SYDE2: variants seen among roughly 807,000 people sequenced by gnomAD.
SYDE2 encodes the protein rho GTPase-activating protein SYDE2.
SYDE2 carries 76 observed loss-of-function variants against 91.5 expected under a neutral mutation model. That is an observed-to-expected ratio of 0.83 (90% CI 0.69 to 1.01). The LOEUF (loss-of-function observed/expected upper bound fraction) is 1.01, where lower values mean the gene tolerates loss of function less well. SYDE2 is among the 50% of genes least tolerant of loss of function. SYDE2 has a pLI of 0.00. For synonymous variants in SYDE2, 513 were observed against 506.4 expected, an observed-to-expected ratio of 1.01 and a Z score of -0.18; for missense variants, 1,364 against 1,367.7, an observed-to-expected ratio of 1.00 and a Z score of 0.04.
intron 1 of SYDE2, among the ~76,000 whole-genome samples, chr1:85,198,669 T>C (rs1658692628): frequency 6.6e-6 from 1 of 152,198 alleles, no homozygotes; most frequent in Non-Finnish European, 1.5e-5. Context: ...TAAAAATCCT[T>C]GAATGTTTAC....
At chr1:85,153,653 A>G (rs994329460), downstream of SYDE2, 1 of 152,064 alleles carries the variant, frequency 6.6e-6, no homozygotes, top group African/African-American at 2.4e-5. Flanking sequence ...TTTCTAACTA[A>G]CTCCAGTGGG....
At position 85,164,537 on chromosome 1, in the gene SYDE2, T is replaced by TGG; in HGVS notation, c.3072_3073dup (p.Gln1025ProfsTer9). 1 of 1,593,482 alleles carries TGG rather than the reference T, an allele frequency of 6.3e-7. No individual in the cohort carries two copies. The highest frequency in any genetic ancestry group is 8.5e-7 in the Non-Finnish European group (1 of 1,170,610). On this transcript the variant is annotated frameshift_variant, in exon 6 of 7. Coordinates refer to ENST00000341460, the MANE Select transcript of SYDE2 (RefSeq NM_032184.2). LOFTEE classifies it high-confidence loss of function. ...ATAGAATCATTTACCTGGCCAGAGT[T>TGG]GGAGTAAGTAATGAAGAACTTCAAT...
intron 2 of SYDE2, among the ~76,000 whole-genome samples, chr1:85,185,870 T>C (rs1210818030): frequency 6.6e-6 from 1 of 152,196 alleles, no homozygotes. Context: ...ATCCCTGTCT[T>C]GTGCCAGTTT....
At chr1:85,160,844 T>G (rs1657030339) in intron 6 of SYDE2, 3 of 985,414 alleles carry the variant, frequency 3.0e-6, no homozygotes, top group Non-Finnish European at 1.2e-6. Flanking sequence ...GCCTGCAAAA[T>G]CCAGATTCAT....
intron 4 of SYDE2, among the ~76,000 whole-genome samples, chr1:85,176,097 T>C (rs968951341): frequency 6.7e-6 from 1 of 149,652 alleles, no homozygotes; most frequent in Non-Finnish European, 1.5e-5. Flanking sequence ...TTTAACATAA[T>C]TTTTATTTAT....
Position 85,200,918 on chromosome 1 carries a change from G to C in SYDE2, c.79C>G (p.Arg27Gly). The C allele has an allele frequency of 7.6e-7, 1 of 1,319,778 alleles. No individual in the cohort carries two copies. The highest frequency in any genetic ancestry group is 2.8e-4 in the Middle Eastern group (1 of 3,534). The allele number at this position is 1,319,778 out of a possible 1,614,324, so 81.8% of individuals were successfully genotyped here. A position where few individuals can be genotyped will look rare whatever the true frequency, so the allele number is the denominator to read the frequency against. The change falls in exon 1 of 7, where the codon CGG (arginine) becomes GGG (glycine). Residue 27 changes from arginine to glycine, a missense_variant. Physicochemically the swap from Arg to Gly is moderately radical, Grantham distance 125. Transcript: ENST00000341460. ...CGGGAAGGCGGCTGGCCCGGAGCCC[G>C]GGCTCCCGCGGGGAAGCTGTGATCC... The part of the protein sequence containing the change: ...LADHSFPAGA[R>G]APGQPPSRGA...
At chr1:85,187,488 C>T (rs1247708620) in intron 2 of SYDE2, among the ~76,000 whole-genome samples, 1 of 151,464 alleles carries the variant, frequency 6.6e-6, no homozygotes, top group East Asian at 1.9e-4. Context: ...ACTAGAAATA[C>T]CATTTGACCC....
chr1:85,183,066 C>T lies in SYDE2; in HGVS notation c.1576G>A (p.Val526Met), dbSNP rs755845720. 1.9e-6 allele frequency: 3 copies of T among 1,613,520 alleles called. No individual in the cohort carries two copies. The highest frequency in any genetic ancestry group is 3.3e-5 in the Admixed American group (2 of 59,960). ...LPDKIKSPRTVRKLSMKMKKL... is the reference protein window; with the variant it reads ...LPDKIKSPRTMRKLSMKMKKL... ...TTCATTTTCATGGAAAGTTTCCTCA[C>T]AGTTCGTGGAGATTTTATTTTATCT... The change falls in exon 3 of 7, where the codon GTG (valine) becomes ATG (methionine). Residue 526 changes from valine (V) to methionine (M), a missense_variant. Transcript: ENST00000341460.
At position 85,169,118 on chromosome 1, in the gene SYDE2, T is replaced by C. The variant is rs769010820; in HGVS notation, c.2779A>G (p.Asn927Asp). The C allele has an allele frequency of 2.5e-6, 4 of 1,613,776 alleles. No individual in the cohort carries two copies. The highest frequency in any genetic ancestry group is 1.1e-5 in the South Asian group (1 of 91,086). ...TCACCTGGGTCATTCTCACAACCAT[T>C]TGATGACATTTTCAAAGGACTTTTT... is the stretch of plus-strand genomic sequence containing the variant. ...MAKSPLKMSS[N>D]GCENDPGDSK... Residue 927 changes from asparagine (N) to aspartate (D), a missense_variant, in exon 5 of 7, where the codon AAT (asparagine) becomes GAT (aspartate). Coordinates refer to ENST00000341460, the MANE Select transcript of SYDE2 (RefSeq NM_032184.2).
intron 1 of SYDE2, among the ~76,000 whole-genome samples, chr1:85,199,271 A>T (rs1440392628): frequency 6.6e-6 from 1 of 152,174 alleles, no homozygotes; most frequent in Non-Finnish European, 1.5e-5. Context: ...ATGATCACTA[A>T]AAATTTTTAT....
intron 5 of SYDE2, among the ~76,000 whole-genome samples, chr1:85,168,274 A>G (rs1343515730): frequency 6.6e-6 from 1 of 152,074 alleles, no homozygotes; most frequent in Non-Finnish European, 1.5e-5. Context: ...AACTGGACAG[A>G]GCACAGGACA....
chr1:85,200,059 A>G (rs1658754461), intron 1 of SYDE2, 193 bp downstream of exon 1: 1 of 846,176 alleles, frequency 1.2e-6, no homozygotes, highest in African/African-American at 1.8e-5. Flanking sequence ...AAGAAAAAAA[A>G]AAGCAAAACG....
At chr1:85,195,207 T>C (rs1297300000) in intron 1 of SYDE2, among the ~76,000 whole-genome samples, 2 of 152,112 alleles carry the variant, frequency 1.3e-5, no homozygotes, top group Non-Finnish European at 2.9e-5. Flanking sequence ...TTTTCATCAT[T>C]TTAAAAATTC....
At chr1:85,197,527 T>C (rs1658633495) in intron 1 of SYDE2, among the ~76,000 whole-genome samples, 1 of 152,198 alleles carries the variant, frequency 6.6e-6, no homozygotes, top group Admixed American at 6.5e-5. Flanking sequence ...TCTAGACCGC[T>C]CCAAATAAGT....
At chr1:85,165,766 T>C (rs993632390) in intron 5 of SYDE2, among the ~76,000 whole-genome samples, 3 of 151,850 alleles carry the variant, frequency 2.0e-5, no homozygotes, top group African/African-American at 4.8e-5. Context: ...AAAGAAATGA[T>C]GTTTTTTGAT....
downstream of SYDE2, among the ~76,000 whole-genome samples, chr1:85,154,929 T>C (rs1313642858): frequency 6.8e-6 from 1 of 146,450 alleles, no homozygotes; most frequent in East Asian, 2.0e-4. Context: ...TTCTCTCCCA[T>C]GCACCCTTTC....
At chr1:85,187,708 C>A (rs966579069) in intron 2 of SYDE2, among the ~76,000 whole-genome samples, 15 of 151,700 alleles carry the variant, frequency 9.9e-5, no homozygotes, top group African/African-American at 3.4e-4. Flanking sequence ...GAGTTCATTT[C>A]CTTTGTAGGG....
In SYDE2 at chr1:85,200,432, T is replaced by TA. The variant is rs763702353; in HGVS notation, c.564_565insT (p.Lys189Ter). ...TTGTACATCCACTTCTGCAGCTTCTTGACTGTCACTGCCGGCGGCCTGAGG... is the reference window on the plus strand; with the variant it reads ...TTGTACATCCACTTCTGCAGCTTCTTAGACTGTCACTGCCGGCGGCCTGAGG... On this transcript the variant is annotated frameshift_variant, in exon 1 of 7. Transcript: ENST00000341460. LOFTEE classifies it high-confidence loss of function. The TA allele has an allele frequency of 2.5e-6, 4 of 1,613,992 alleles. No individual in the cohort carries two copies. Among genetic ancestry groups the TA allele is most frequent in the Non-Finnish European group, 3.4e-6 (4 of 1,179,884 alleles).
chr1:85,168,747 A>G (rs969138964), intron 5 of SYDE2, among the ~76,000 whole-genome samples: 1 of 152,214 alleles, frequency 6.6e-6, no homozygotes, highest in Non-Finnish European at 1.5e-5. Context: ...TATCTTTTCA[A>G]TATTTCTATA....
Sources: gnomAD v4.1 joint callset for allele counts (sites outside exome capture counted in the v4.1 genomes callset) on GRCh38, gnomAD v4.1.1 for gene constraint, MANE v1.5 for transcripts, NCBI Gene and HGNC (gene_info 2026-07-23, HGNC 2026-07-21) for gene names.